MYCBP2: variants seen among roughly 807,000 people sequenced by gnomAD.
MYCBP2 encodes MYC binding protein 2.
In MYCBP2, 120 loss-of-function variants were observed where a neutral mutation model predicts 525.3. The ratio of observed to expected loss-of-function variants is 0.23; its 90% CI spans 0.20 to 0.27. MYCBP2 has a LOEUF of 0.27. Among genes scored for constraint, MYCBP2 ranks in the 10% least tolerant of loss-of-function variants. The pLI, the probability that MYCBP2 is intolerant of heterozygous loss-of-function variation, is 1.00. For missense variants in MYCBP2, 4,149 were observed against 5,657.1 expected, an observed-to-expected ratio of 0.73 and a Z score of 8.55; for synonymous variants, 1,894 against 1,955.8, an observed-to-expected ratio of 0.97 and a Z score of 0.83.
rs1337056359 is a variant in MYCBP2 at position 77,098,774 on chromosome 13, T to C, written c.8380A>G (p.Thr2794Ala). Residue 2794 changes from threonine (T) to alanine (A), a missense_variant, in exon 56 of 83, where the codon ACC becomes GCC. Physicochemically the swap from Thr to Ala is moderately conservative, Grantham distance 58 (BLOSUM62 0). This residue lies in a region of MYCBP2 where 653 missense variants were observed against 744.7 expected (regional missense o/e 0.88). Coordinates refer to ENST00000544440, the MANE Select transcript of MYCBP2 (RefSeq NM_015057.5). ...CCATCAGATTTCAATGTCTGCAAGG[T>C]GTTATGGTTGGGGGATAATGACCTA... ...HSRSLSPNHNTLQTLKSDGRM... is the reference protein window; with the variant it reads ...HSRSLSPNHNALQTLKSDGRM... The C allele has an allele frequency of 6.2e-7, 1 of 1,613,240 alleles. No homozygotes were observed. Among genetic ancestry groups the C allele is most frequent in the South Asian group, 1.1e-5 (1 of 91,040 alleles).
At chr13:77,228,690 GT>G (rs557888679) in intron 18 of MYCBP2, among the ~76,000 whole-genome samples, 1 of 85,176 alleles carries the variant, frequency 1.2e-5, no homozygotes, top group African/African-American at 4.3e-5. Flanking sequence ...AGATGAATAT[GT>G]TGTGTGTGTG....
At chr13:77,110,427 T>A (rs968726023) in intron 55 of MYCBP2, among the ~76,000 whole-genome samples, 1 of 152,170 alleles carries the variant, frequency 6.6e-6, no homozygotes, top group Non-Finnish European at 1.5e-5. Context: ...AACCCTGTTT[T>A]CTGTTAAGAT....
At chr13:77,148,566 T>C (rs1393662878) in intron 47 of MYCBP2, among the ~76,000 whole-genome samples, 1 of 152,122 alleles carries the variant, frequency 6.6e-6, no homozygotes, top group Non-Finnish European at 1.5e-5. Context: ...TCTCTTTAGC[T>C]ACCATATACT....
chr13:77,296,576 T>C (rs778492271), intron 2 of MYCBP2, 23 bp downstream of exon 2: 2 of 1,568,852 alleles, frequency 1.3e-6, no homozygotes, highest in Admixed American at 2.1e-5. Flanking sequence ...GTCCTATTCC[T>C]TATCAATTAC....
At chr13:77,198,734 C>G (rs1374657234) in intron 26 of MYCBP2, among the ~76,000 whole-genome samples, 1 of 152,210 alleles carries the variant, frequency 6.6e-6, no homozygotes, top group Non-Finnish European at 1.5e-5. Flanking sequence ...GAATCCTCCC[C>G]TAACACTATC....
At chr13:77,071,716 T>A (rs1445065332) in intron 68 of MYCBP2, among the ~76,000 whole-genome samples, 1 of 152,146 alleles carries the variant, frequency 6.6e-6, no homozygotes, top group African/African-American at 2.4e-5. Context: ...ATATTATTGA[T>A]CAACTTGAAC....
In MYCBP2 at chr13:77,087,714, A is replaced by T. The variant is rs1045786721; in HGVS notation, c.10726-81T>A. The T allele has an allele frequency of 1.1e-5, 13 of 1,183,834 alleles. No individual in the cohort carries two copies. The African/African-American group carries it at 2.0e-4, about 19-fold the overall frequency. 73.3% of individuals were successfully genotyped at this position (1,183,834 alleles called of 1,614,324 possible). On this transcript the variant is annotated intron_variant, in intron 61 of 82. Transcript: ENST00000544440. Reference sequence around the variant, plus strand: ...ACTCAGAAATAAAGTACCTCCATGGATTAAGACTTCAAAGAAAGATACTAG... The same window carrying T: ...ACTCAGAAATAAAGTACCTCCATGGTTTAAGACTTCAAAGAAAGATACTAG...
At chr13:77,243,724 A>T in intron 16 of MYCBP2, 82 bp downstream of exon 16, 1 of 1,215,726 alleles carries the variant, frequency 8.2e-7, no homozygotes, top group Non-Finnish European at 1.1e-6. Flanking sequence ...ATTAACATAT[A>T]TCTAAAAGAA....
intron 70 of MYCBP2, 97 bp downstream of exon 70, chr13:77,068,468 T>C: frequency 7.2e-7 from 1 of 1,388,586 alleles, no homozygotes; most frequent in African/African-American, 1.5e-5. Context: ...AATAAAAATC[T>C]ATACTTAGGG....
chr13:77,202,289 A>G (rs540868115), intron 26 of MYCBP2, among the ~76,000 whole-genome samples: 29 of 152,366 alleles, frequency 1.9e-4, no homozygotes, highest in South Asian at 2.1e-4. Context: ...TAGAAAATCT[A>G]GAAGAAATGG....
intron 1 of MYCBP2, among the ~76,000 whole-genome samples, chr13:77,312,414 T>C (rs547118914): frequency 5.1e-4 from 77 of 152,212 alleles, no homozygotes; most frequent in African/African-American, 1.8e-3. Context: ...TTGCCAAGTA[T>C]AGTATGCATG....
At chr13:77,072,159 C>T (rs2041433216) in intron 68 of MYCBP2, among the ~76,000 whole-genome samples, 1 of 151,728 alleles carries the variant, frequency 6.6e-6, no homozygotes, top group Admixed American at 6.6e-5. Context: ...GGCATGGTGG[C>T]GGGCGCCTGT....
At chr13:77,245,442 C>T (rs539369323) in intron 15 of MYCBP2, among the ~76,000 whole-genome samples, 6 of 152,198 alleles carry the variant, frequency 3.9e-5, no homozygotes, top group African/African-American at 1.4e-4. Context: ...AGAATGAGTT[C>T]GTGTTCTTTG....
intron 28 of MYCBP2, 96 bp downstream of exon 28, chr13:77,191,583 G>T: frequency 7.1e-7 from 1 of 1,411,950 alleles, no homozygotes; most frequent in East Asian, 2.4e-5. Flanking sequence ...GTCTTCCTAA[G>T]CTTTTGAATC....
Position 77,081,282 on chromosome 13 carries a change from A to C in MYCBP2, c.11418+145T>G. On this transcript the variant is annotated intron_variant, in intron 65 of 82. Transcript: ENST00000544440. This position sits in a 1 kb window ranked among gnomAD's most constrained non-coding sequence, Gnocchi z 4.6. ...ATCATATTAATTTGTTTTTAGACTT[A>C]AGATTTATTTGGGGATTATAGCAAT... is the stretch of plus-strand genomic sequence containing the variant. 2 of 702,592 alleles carry C rather than the reference A, an allele frequency of 2.8e-6. No individual in the cohort carries two copies. The highest frequency in any genetic ancestry group is 4.8e-6 in the Non-Finnish European group (2 of 416,960). 43.5% of individuals were successfully genotyped at this position (702,592 alleles called of 1,614,324 possible).
At chr13:77,082,848 A>T (rs1183572618) in intron 63 of MYCBP2, among the ~76,000 whole-genome samples, 184 bp downstream of exon 63, 2 of 152,166 alleles carry the variant, frequency 1.3e-5, no homozygotes, top group Admixed American at 1.3e-4. Flanking sequence ...AGGAGGGCAA[A>T]CAAATGTTAA....
rs758922412 is a variant in MYCBP2 at position 77,180,199 on chromosome 13, G to A, written c.5061C>T (p.His1687=). 1.2e-5 allele frequency: 20 copies of A among 1,614,028 alleles called. No individual in the cohort carries two copies. The highest frequency in any genetic ancestry group is 1.6e-5 in the Non-Finnish European group (19 of 1,180,020). ...LRRENELFSS[H]LVSNTCGLLA... is the part of the protein sequence containing the mutation. ...GTAATCCACAGGTGTTAGAGACGAG[G>A]TGGGAGGAGAAGAGTTCATTTTCTC... is the stretch of plus-strand genomic sequence containing the variant. The change falls in exon 34 of 83, where the codon CAC becomes CAT. Residue 1687 remains histidine, a synonymous_variant. Transcript: ENST00000544440.
intron 5 of MYCBP2, 120 bp from the exon 6 acceptor site, chr13:77,270,658 C>T (rs868141435): frequency 9.4e-6 from 10 of 1,068,346 alleles, no homozygotes; most frequent in South Asian, 2.0e-5. Context: ...AATGATATTT[C>T]GCATGCCAGC....
intron 82 of MYCBP2, among the ~76,000 whole-genome samples, chr13:77,048,494 T>C (rs1025245582): frequency 3.9e-5 from 6 of 152,180 alleles, no homozygotes; most frequent in Admixed American, 6.5e-5. Context: ...TATGGCCATC[T>C]TCCCTACTCA....
Sources: allele counts gnomAD v4.1 joint callset (sites outside exome capture counted in the v4.1 genomes callset), GRCh38; gene constraint gnomAD v4.1.1; regional missense constraint gnomAD v4.1.1; non-coding constraint Gnocchi (gnomAD v3.1); transcripts MANE v1.5; gene names NCBI Gene and HGNC (gene_info 2026-07-23, HGNC 2026-07-21).